CSMD1: variants seen among roughly 807,000 people sequenced by gnomAD.
CSMD1 encodes CUB and Sushi multiple domains 1.
CSMD1 carries 213 observed loss-of-function variants against 417.5 expected under a neutral mutation model. That is an observed-to-expected ratio of 0.51 (90% confidence interval 0.46 to 0.57). The LOEUF (loss-of-function observed/expected upper bound fraction) is 0.57. CSMD1 is among the 20% of genes least tolerant of loss of function. The pLI, the probability that CSMD1 is intolerant of heterozygous loss-of-function variation, is 0.00. For missense variants in CSMD1, 6,923 were observed against 4,529.7 expected (o/e 1.53, Z -15.17); for synonymous variants, 2,862 against 1,736.8 (o/e 1.65, Z -16.11).
rs146794968 is a variant in CSMD1, at chr8:4,192,970, T to A, written c.416-160871A>T. 1.4e-4 allele frequency among the ~76,000 whole-genome samples: 21 copies of A among 152,332 alleles called. No homozygotes were observed. The East Asian group carries it at 4.0e-3, about 29-fold the overall frequency. ...GCTACCCTTCCTATTTTCATAATAT[T>A]TGAGTGTTTTGCAAATCAAATGCAA... On this transcript the variant is annotated intron_variant, in intron 3 of 69. Transcript: ENST00000635120.
intron 2 of CSMD1, among the ~76,000 whole-genome samples, chr8:4,553,994 C>G (rs1391825053): frequency 2.6e-5 from 4 of 152,164 alleles, no homozygotes; most frequent in Admixed American, 2.0e-4. Context: ...GACAGTCTGG[C>G]CAAAGCTTAG....
intron 3 of CSMD1, among the ~76,000 whole-genome samples, chr8:4,224,042 C>G (rs966407637): frequency 1.3e-5 from 2 of 152,038 alleles, no homozygotes; most frequent in African/African-American, 4.8e-5. Flanking sequence ...ACAAAACATG[C>G]ATACGTAACC....
chr8:3,815,626 C>A (rs900791460), intron 5 of CSMD1, among the ~76,000 whole-genome samples: 3 of 146,414 alleles, frequency 2.0e-5, no homozygotes, highest in Non-Finnish European at 1.5e-5. Context: ...GCTAGACTTT[C>A]TTTTTTTTTT....
intron 3 of CSMD1, among the ~76,000 whole-genome samples, chr8:4,039,489 G>A (rs1797778623): frequency 1.3e-5 from 2 of 152,152 alleles, no homozygotes; most frequent in African/African-American, 2.4e-5. Flanking sequence ...CTCTCTGAAT[G>A]CGAGCCAATC....
chr8:4,517,981 T>C (rs2130378680), intron 2 of CSMD1, among the ~76,000 whole-genome samples: 1 of 152,332 alleles, frequency 6.6e-6, no homozygotes, highest in African/African-American at 2.4e-5. Context: ...AAACCTGTTC[T>C]ATTCAATATT....
intron 59 of CSMD1, among the ~76,000 whole-genome samples, chr8:2,965,459 G>A (rs967287892): frequency 1.3e-5 from 2 of 152,058 alleles, no homozygotes; most frequent in African/African-American, 2.4e-5. Context: ...AGGGTCACAG[G>A]TTTACCCAGG....
chr8:2,990,961 T>C (rs748001666), intron 54 of CSMD1, among the ~76,000 whole-genome samples: 35 of 152,254 alleles, frequency 2.3e-4, no homozygotes, highest in African/African-American at 7.7e-4. Context: ...CATTTCAATG[T>C]GATCTTTTCC....
intron 3 of CSMD1, among the ~76,000 whole-genome samples, chr8:4,374,923 A>T (rs1469002396): frequency 7.8e-6 from 1 of 128,704 alleles, no homozygotes; most frequent in Non-Finnish European, 1.6e-5. Flanking sequence ...TTCTAATCAG[A>T]GTCTTAGAAA....
chr8:4,113,354 G>C (rs1247353192), intron 3 of CSMD1, among the ~76,000 whole-genome samples: 1 of 146,790 alleles, frequency 6.8e-6, no homozygotes, highest in African/African-American at 2.5e-5. Flanking sequence ...CAAGCTGTGA[G>C]TGCAAATAAA....
At chr8:4,571,130 G>T (rs1435795797) in intron 2 of CSMD1, among the ~76,000 whole-genome samples, 1 of 152,062 alleles carries the variant, frequency 6.6e-6, no homozygotes, top group Non-Finnish European at 1.5e-5. Context: ...GGATTTTCAT[G>T]TCTCTATCTC....
At chr8:4,913,202 G>A (rs546384414) in intron 1 of CSMD1, among the ~76,000 whole-genome samples, 25 of 152,312 alleles carry the variant, frequency 1.6e-4, no homozygotes, top group Middle Eastern at 3.4e-3. Flanking sequence ...TGCAAACCTA[G>A]TAGCGTTGCT....
At chr8:3,991,633 G>C (rs1370278220) in intron 5 of CSMD1, among the ~76,000 whole-genome samples, 1 of 152,186 alleles carries the variant, frequency 6.6e-6, no homozygotes, top group African/African-American at 2.4e-5. Flanking sequence ...ATTAGAAGTG[G>C]AGGGCACTTT....
At chr8:3,075,234 A>C (rs966383044) in intron 49 of CSMD1, among the ~76,000 whole-genome samples, 1 of 149,940 alleles carries the variant, frequency 6.7e-6, no homozygotes, top group Admixed American at 6.6e-5. Flanking sequence ...TTTCTTTATA[A>C]ATTACCCAGC....
At chr8:4,647,683 G>T (rs1053080404) in intron 1 of CSMD1, among the ~76,000 whole-genome samples, 1 of 152,022 alleles carries the variant, frequency 6.6e-6, no homozygotes, top group Non-Finnish European at 1.5e-5. Flanking sequence ...TTCTGTTCTT[G>T]TGTTGGTTTG....
chr8:3,181,044 A>AT, intron 37 of CSMD1, 66 bp downstream of exon 37: 2 of 963,846 alleles, frequency 2.1e-6, no homozygotes, highest in Admixed American at 2.1e-5. Flanking sequence ...AGCATGATTT[A>AT]TTTTTTCTTT....
At position 2,965,952 on chromosome 8, in the gene CSMD1, T is replaced by C. The variant is rs1427606540; in HGVS notation, c.9103A>G (p.Ile3035Val). ...WTGTAPDCTIISCGDPGTLAN... is the reference protein window; with the variant it reads ...WTGTAPDCTIVSCGDPGTLAN... ...AGTGTGCCTGGATCCCCACAACTTA[T>C]AACTAATAAACAGGGAACAGGAAAG... The change falls in exon 59 of 70, where the codon ATA (isoleucine) becomes GTA (valine). Residue 3035 changes from isoleucine (I) to valine (V), a missense_variant and splice_region_variant. Coordinates refer to ENST00000635120, the MANE Select transcript of CSMD1 (RefSeq NM_033225.6). The C allele has an allele frequency of 1.2e-6, 2 of 1,601,048 alleles. No homozygotes were observed. Among genetic ancestry groups the C allele is most frequent in the African/African-American group, 1.3e-5 (1 of 74,750 alleles).
At chr8:3,506,797 C>A (rs1796846130) in intron 10 of CSMD1, among the ~76,000 whole-genome samples, 1 of 152,128 alleles carries the variant, frequency 6.6e-6, no homozygotes. Flanking sequence ...TCCTCCACAC[C>A]TGGATTTTTT....
At chr8:3,458,037 C>G (rs1020022048) in intron 12 of CSMD1, among the ~76,000 whole-genome samples, 2 of 152,202 alleles carry the variant, frequency 1.3e-5, no homozygotes, top group Admixed American at 1.3e-4. Context: ...AACTTTCATT[C>G]TTACCTGAGA....
At chr8:3,880,921 A>T (rs954424639) in intron 5 of CSMD1, among the ~76,000 whole-genome samples, 2 of 152,172 alleles carry the variant, frequency 1.3e-5, no homozygotes, top group Non-Finnish European at 2.9e-5. Context: ...GTTATTTACC[A>T]AGTATTACAT....
Sources: allele counts gnomAD v4.1 joint callset (sites outside exome capture counted in the v4.1 genomes callset), GRCh38; gene constraint gnomAD v4.1.1; transcripts MANE v1.5; gene names NCBI Gene and HGNC (gene_info 2026-07-23, HGNC 2026-07-21).